Variants in SOX6 observed in about 807,000 individuals in gnomAD.
SOX6 encodes transcription factor SOX-6.
In SOX6, 11 loss-of-function variants were observed where a neutral mutation model predicts 97.8. The observed-to-expected ratio is 0.11, with a 90% confidence interval of 0.07 to 0.19. The LOEUF (loss-of-function observed/expected upper bound fraction) is 0.19, where lower values mean the gene tolerates loss of function less well. Ranked by LOEUF, SOX6 falls within the 10% of genes least tolerant of loss-of-function variation. SOX6 has a pLI of 1.00. For missense variants in SOX6, 810 were observed against 1,039.5 expected (o/e 0.78, Z 3.04); for synonymous variants, 360 against 371.4 (o/e 0.97, Z 0.35).
At chr11:16,330,795 T>C (rs1856266162) in intron 2 of SOX6, among the ~76,000 whole-genome samples, 1 of 152,090 alleles carries the variant, frequency 6.6e-6, no homozygotes, top group Non-Finnish European at 1.5e-5. Flanking sequence ...CTTTTTGAGC[T>C]GAGGAAATCG....
chr11:16,616,444 C>T (rs1211450095), intron 3 of SOX6, among the ~76,000 whole-genome samples: 2 of 151,980 alleles, frequency 1.3e-5, no homozygotes, highest in East Asian at 3.8e-4. Flanking sequence ...GAATCCCATA[C>T]TATTTTTTAA....
At chr11:16,118,901 A>C (rs1457402959) in intron 6 of SOX6, among the ~76,000 whole-genome samples, 1 of 152,208 alleles carries the variant, frequency 6.6e-6, no homozygotes, top group African/African-American at 2.4e-5. Flanking sequence ...ATTTAATTGA[A>C]GAAAGCTTCT....
At chr11:16,419,228 A>T (rs1464050861) in intron 1 of SOX6, among the ~76,000 whole-genome samples, 5 of 152,170 alleles carry the variant, frequency 3.3e-5, no homozygotes, top group Non-Finnish European at 7.3e-5. Flanking sequence ...TATGATTATC[A>T]AATTTATGGT....
chr11:16,149,785 T>C (rs1850412057), intron 6 of SOX6, among the ~76,000 whole-genome samples: 1 of 152,180 alleles, frequency 6.6e-6, no homozygotes, highest in Non-Finnish European at 1.5e-5. Context: ...GATACAAATT[T>C]TGTCTGACAA....
intron 6 of SOX6, among the ~76,000 whole-genome samples, chr11:16,180,203 C>T (rs537394779): frequency 6.6e-6 from 1 of 151,898 alleles, no homozygotes; most frequent in East Asian, 1.9e-4. Context: ...GATTAAAATA[C>T]TGTAAACATG....
At chr11:15,980,659 C>A (rs1315501816) in intron 15 of SOX6, among the ~76,000 whole-genome samples, 1 of 151,928 alleles carries the variant, frequency 6.6e-6, no homozygotes, top group African/African-American at 2.4e-5. Context: ...CACATTTTCC[C>A]CCAGGTGTTC....
At chr11:16,067,055 T>C (rs968140005) in intron 9 of SOX6, among the ~76,000 whole-genome samples, 1 of 152,168 alleles carries the variant, frequency 6.6e-6, no homozygotes, top group Non-Finnish European at 1.5e-5. Flanking sequence ...GTTACTCCCA[T>C]TGTATCTAGG....
chr11:16,492,572 C>A (rs1186253984), intron 4 of SOX6, among the ~76,000 whole-genome samples: 1 of 152,170 alleles, frequency 6.6e-6, no homozygotes, highest in Non-Finnish European at 1.5e-5. Flanking sequence ...GAATCCAGTT[C>A]CCATTGCCTA....
At chr11:16,480,258 T>C (rs181077375), upstream of SOX6, among the ~76,000 whole-genome samples, 79 of 152,292 alleles carry the variant, frequency 5.2e-4, no homozygotes, top group African/African-American at 1.8e-3. Context: ...TAGATTTTTT[T>C]ATACTTAGCA....
intron 13 of SOX6, among the ~76,000 whole-genome samples, chr11:16,002,166 G>A (rs1854424875): frequency 6.6e-6 from 1 of 152,164 alleles, no homozygotes; most frequent in African/African-American, 2.4e-5. Flanking sequence ...CACGACCGGA[G>A]TGGCGCAGGA....
At position 16,492,495 on chromosome 11, in the gene SOX6, TTGAG is replaced by T. The variant is rs561261155; in HGVS notation, n.610-16111_610-16108del. ...CACTAGAAGAAACTCTTAATCAGCA[TTGAG>T]TAAGTGCTTCAGACTCTCCTCCTTC... On this transcript the variant is annotated intron_variant and non_coding_transcript_variant, in intron 4 of 5. Transcript: ENST00000524520. Among the ~76,000 whole-genome samples, 7 of 152,340 alleles carry T rather than the reference TTGAG, an allele frequency of 4.6e-5. No homozygotes were observed. In the East Asian group the frequency reaches 9.6e-4, roughly 21 times the overall value.
intron 4 of SOX6, among the ~76,000 whole-genome samples, chr11:16,189,725 C>A (rs914684914): frequency 6.6e-6 from 1 of 151,998 alleles, no homozygotes; most frequent in South Asian, 2.1e-4. Context: ...GGGATGTATA[C>A]GTATTTTATT....
chr11:16,516,858 G>A lies in SOX6; in HGVS notation n.610-40470C>T, dbSNP rs567547246. ...ACAGCATCATTCTGATACCAAAGTC[G>A]GGCAGAGACACAACCAAAAAAGAGA... On this transcript the variant is annotated intron_variant and non_coding_transcript_variant, in intron 4 of 5. Transcript: ENST00000524520. Among the ~76,000 whole-genome samples the A allele has an allele frequency of 7.9e-5, 12 of 151,220 alleles. No individual in the cohort carries two copies. In the East Asian group the frequency reaches 9.8e-4, roughly 12 times the overall value.
intron 4 of SOX6, among the ~76,000 whole-genome samples, chr11:16,579,757 C>T (rs879544394): frequency 1.3e-5 from 2 of 151,964 alleles, no homozygotes; most frequent in East Asian, 1.9e-4. Context: ...TACGAACAAG[C>T]GGTGTATGTC....
At chr11:16,435,225 G>T (rs1238396503) in intron 1 of SOX6, among the ~76,000 whole-genome samples, 4 of 152,146 alleles carry the variant, frequency 2.6e-5, no homozygotes, top group Admixed American at 2.6e-4. Context: ...TAAATCACAT[G>T]ATTTTAAATG....
chr11:16,004,966 T>G lies in SOX6; in HGVS notation c.1732+9976A>C, dbSNP rs191705682. ...AGAAATAAATGGGCATACATGTAAATTTCCTAGCACAGTGACTGGAACCCA... is the reference window on the plus strand; with the variant it reads ...AGAAATAAATGGGCATACATGTAAAGTTCCTAGCACAGTGACTGGAACCCA... On this transcript the variant is annotated intron_variant, in intron 13 of 15. Coordinates refer to ENST00000683767, the MANE Select transcript of SOX6 (RefSeq NM_001367873.1). Among the ~76,000 whole-genome samples the G allele has an allele frequency of 2.5e-3, 380 of 152,130 alleles. 1 individual carries two copies. The highest frequency in any genetic ancestry group is 7.4e-3 in the African/African-American group (307 of 41,526).
At chr11:16,553,500 G>T (rs1251479518) in intron 4 of SOX6, among the ~76,000 whole-genome samples, 2 of 152,126 alleles carry the variant, frequency 1.3e-5, no homozygotes, top group African/African-American at 2.4e-5. Flanking sequence ...ACTGCCATGG[G>T]GCTGGTGGAA....
intron 3 of SOX6, among the ~76,000 whole-genome samples, chr11:16,711,692 C>CT (rs927253835): frequency 6.6e-6 from 1 of 151,494 alleles, no homozygotes; most frequent in Admixed American, 6.6e-5. Flanking sequence ...GATCATCTTT[C>CT]TTTTTTTTTC....
chr11:16,174,965 C>G (rs1640809177), intron 6 of SOX6, among the ~76,000 whole-genome samples: 1 of 151,868 alleles, frequency 6.6e-6, no homozygotes, highest in African/African-American at 2.4e-5. Context: ...CCAAGCTGCT[C>G]TAATACTTGG....
Sources: gnomAD v4.1 joint callset for allele counts (sites outside exome capture counted in the v4.1 genomes callset) on GRCh38, gnomAD v4.1.1 for gene constraint, MANE v1.5 for transcripts, NCBI Gene and HGNC (gene_info 2026-07-23, HGNC 2026-07-21) for gene names.